PLEKHA5: variants seen among roughly 807,000 people sequenced by gnomAD.
PLEKHA5 encodes the protein pleckstrin homology domain-containing family A member 5.
Under a neutral mutation model 181.9 loss-of-function variants are expected in PLEKHA5, and 55 were observed. The ratio of observed to expected loss-of-function variants is 0.30; its 90% CI spans 0.24 to 0.38. The LOEUF (loss-of-function observed/expected upper bound fraction) is 0.38, where lower values mean the gene tolerates loss of function less well. Among genes scored for constraint, PLEKHA5 ranks in the 10% least tolerant of loss-of-function variants. The pLI, the probability that PLEKHA5 is intolerant of heterozygous loss-of-function variation, is 1.00. For missense variants in PLEKHA5, 1,432 were observed against 1,549.5 expected, an observed-to-expected ratio of 0.92 and a Z score of 1.27; for synonymous variants, 535 against 529.4, an observed-to-expected ratio of 1.01 and a Z score of -0.15.
In PLEKHA5 at chr12:19,173,005, C is replaced by CTTTTTTTTTTTTTTTTTTTTT. The variant is rs71064064; in HGVS notation, c.227+40564_227+40584dup. ...AGAAAATTGCTACTGATTTCCCTTT[C>CTTTTTTTTTTTTTTTTTTTTT]TTTTTTTTTTTTTTTTTTTTTTTTT... On this transcript the variant is annotated intron_variant, in intron 3 of 31. Transcript: ENST00000429027. Among the ~76,000 whole-genome samples, 4 of 33,544 alleles carry CTTTTTTTTTTTTTTTTTTTTT rather than the reference C, an allele frequency of 1.2e-4. 1 individual carries two copies. Among genetic ancestry groups the CTTTTTTTTTTTTTTTTTTTTT allele is most frequent in the African/African-American group, 4.2e-4 (4 of 9,454 alleles). 22.0% of individuals were successfully genotyped at this position (33,544 alleles called of 152,430 possible). A position where few individuals can be genotyped will look rare whatever the true frequency, so the allele number is the denominator to read the frequency against.
intron 3 of PLEKHA5, chr12:19,153,962 T>C (rs376880178): frequency 6.6e-6 from 1 of 152,280 alleles, no homozygotes; most frequent in South Asian, 2.1e-4. Flanking sequence ...GAAAGGGATA[T>C]TATAGTTTTC....
chr12:19,156,821 G>C (rs893471480), intron 3 of PLEKHA5, among the ~76,000 whole-genome samples: 2 of 151,434 alleles, frequency 1.3e-5, no homozygotes, highest in African/African-American at 4.9e-5. Context: ...AGGGCAGGTG[G>C]GTCACTTGAG....
At chr12:19,345,493 A>G (rs963329878) in intron 22 of PLEKHA5, among the ~76,000 whole-genome samples, 19 of 150,590 alleles carry the variant, frequency 1.3e-4, no homozygotes, top group African/African-American at 4.2e-4. Context: ...GCTGGACGCC[A>G]TGGCTCACGC....
chr12:19,367,909 A>G (rs919790438), intron 30 of PLEKHA5, among the ~76,000 whole-genome samples: 11 of 151,786 alleles, frequency 7.2e-5, no homozygotes, highest in Non-Finnish European at 1.5e-4. Context: ...TGTAGTCCAT[A>G]AGTAAAAAAC....
intron 3 of PLEKHA5, among the ~76,000 whole-genome samples, chr12:19,135,722 G>T (rs2151028448): frequency 6.6e-6 from 1 of 152,202 alleles, no homozygotes; most frequent in East Asian, 1.9e-4. Flanking sequence ...CAGCGTAAGA[G>T]TTGTATAGGT....
chr12:19,238,439 A>C (rs1026508943), intron 3 of PLEKHA5, among the ~76,000 whole-genome samples: 1 of 152,132 alleles, frequency 6.6e-6, no homozygotes, highest in Non-Finnish European at 1.5e-5. Context: ...GTAGGGTTTC[A>C]AGTTTGCTCT....
intron 6 of PLEKHA5, among the ~76,000 whole-genome samples, chr12:19,260,280 A>C (rs1317766751): frequency 6.6e-6 from 1 of 152,226 alleles, no homozygotes; most frequent in Non-Finnish European, 1.5e-5. Flanking sequence ...GAAGATTAAC[A>C]TATTTATTAA....
chr12:19,295,744 A>T (rs1294978129), intron 15 of PLEKHA5, among the ~76,000 whole-genome samples: 1 of 152,130 alleles, frequency 6.6e-6, no homozygotes, highest in African/African-American at 2.4e-5. Flanking sequence ...TGGTTGTAAG[A>T]TAGAGAAGAA....
chr12:19,205,649 A>T (rs1379761914), intron 3 of PLEKHA5, among the ~76,000 whole-genome samples: 1 of 152,064 alleles, frequency 6.6e-6, no homozygotes, highest in African/African-American at 2.4e-5. Flanking sequence ...TGAGGTGACA[A>T]GTTCATAAAT....
intron 20 of PLEKHA5, among the ~76,000 whole-genome samples, chr12:19,333,079 G>A (rs1279602650): frequency 6.6e-6 from 1 of 152,158 alleles, no homozygotes. Context: ...GAGGTCAGGA[G>A]TTCAAGACCA....
At chr12:19,365,108 A>C (rs1326060134) in intron 29 of PLEKHA5, among the ~76,000 whole-genome samples, 2 of 152,152 alleles carry the variant, frequency 1.3e-5, no homozygotes, top group African/African-American at 4.8e-5. Context: ...GCAGTAGGTC[A>C]CGCCTGTAAT....
At chr12:19,231,224 C>G (rs970958302) in intron 3 of PLEKHA5, among the ~76,000 whole-genome samples, 1 of 151,908 alleles carries the variant, frequency 6.6e-6, no homozygotes, top group Non-Finnish European at 1.5e-5. Context: ...ATGTTTAATT[C>G]TATTCCTACA....
At chr12:19,354,757 C>G (rs1392320373) in intron 26 of PLEKHA5, among the ~76,000 whole-genome samples, 1 of 152,190 alleles carries the variant, frequency 6.6e-6, no homozygotes, top group Non-Finnish European at 1.5e-5. Context: ...GCTGGGATTA[C>G]AGGCGTGAGC....
rs566624193 is a variant in PLEKHA5, at chr12:19,255,283, G to A, written c.432+118G>A. On this transcript the variant is annotated intron_variant, in intron 5 of 31. Coordinates refer to ENST00000429027, the MANE Select transcript of PLEKHA5 (RefSeq NM_001256470.2). ...TACATTTTTATTATTACATGAATTTGAAGGTAATTGATATAAGAAGCAACA... is the reference window on the plus strand; with the variant it reads ...TACATTTTTATTATTACATGAATTTAAAGGTAATTGATATAAGAAGCAACA... 16 of 563,986 alleles carry A rather than the reference G, an allele frequency of 2.8e-5. 1 individual carries two copies. The highest frequency in any genetic ancestry group is 2.5e-4 in the African/African-American group (13 of 51,664). 34.9% of individuals were successfully genotyped at this position (563,986 alleles called of 1,614,324 possible).
chr12:19,146,716 C>G (rs915618236), intron 3 of PLEKHA5, among the ~76,000 whole-genome samples: 3 of 152,070 alleles, frequency 2.0e-5, no homozygotes, highest in Admixed American at 2.0e-4. Flanking sequence ...CATAATATAC[C>G]TTAGACCAGT....
chr12:19,263,720 A>T (rs771246949), intron 7 of PLEKHA5, among the ~76,000 whole-genome samples: 1 of 152,170 alleles, frequency 6.6e-6, no homozygotes. Context: ...CATCTTCCCT[A>T]CGAAGCAAAT....
At chr12:19,174,521 G>C (rs1020048556) in intron 3 of PLEKHA5, among the ~76,000 whole-genome samples, 38 of 151,934 alleles carry the variant, frequency 2.5e-4, no homozygotes, top group African/African-American at 9.2e-4. Context: ...TGTCCTATAG[G>C]TGTTTCATGC....
At chr12:19,227,684 A>G (rs533206617) in intron 3 of PLEKHA5, among the ~76,000 whole-genome samples, 1 of 152,276 alleles carries the variant, frequency 6.6e-6, no homozygotes, top group East Asian at 1.9e-4. Flanking sequence ...CCTAGTTGCA[A>G]GGGAAGCCAG....
intron 3 of PLEKHA5, among the ~76,000 whole-genome samples, chr12:19,250,280 G>A (rs2064922692): frequency 6.6e-6 from 1 of 152,152 alleles, no homozygotes; most frequent in South Asian, 2.1e-4. Context: ...CCATAGGTAT[G>A]TATTATATCA....
Sources: gnomAD v4.1 joint callset for allele counts (sites outside exome capture counted in the v4.1 genomes callset) on GRCh38, gnomAD v4.1.1 for gene constraint, MANE v1.5 for transcripts, NCBI Gene and HGNC (gene_info 2026-07-23, HGNC 2026-07-21) for gene names.